COG6: variants seen among roughly 807,000 people sequenced by gnomAD.
The protein encoded by COG6 is conserved oligomeric Golgi complex subunit 6.
COG6 carries 74 observed loss-of-function variants against 88.8 expected under a neutral mutation model. The observed-to-expected ratio is 0.83, with a 90% CI of 0.69 to 1.01. The LOEUF (loss-of-function observed/expected upper bound fraction) is 1.01, where lower values mean the gene tolerates loss of function less well. Among genes scored for constraint, COG6 ranks in the 50% least tolerant of loss-of-function variants. The pLI is 0.00. For synonymous variants in COG6, 286 were observed against 278.7 expected, an observed-to-expected ratio of 1.03 and a Z score of -0.26; for missense variants, 800 against 797.9, an observed-to-expected ratio of 1.00 and a Z score of -0.03.
intron 11 of COG6, 38 bp downstream of exon 11, chr13:39,689,862 T>G: frequency 8.1e-7 from 1 of 1,241,636 alleles, no homozygotes; most frequent in African/African-American, 1.5e-5. Flanking sequence ...ATATGGTACC[T>G]GCTTAAATTA....
chr13:39,674,013 A>G (rs1444937021), intron 4 of COG6, among the ~76,000 whole-genome samples: 5 of 152,034 alleles, frequency 3.3e-5, no homozygotes, highest in Admixed American at 3.3e-4. Flanking sequence ...AACTTTGCCA[A>G]TGTAGATGAA....
At chr13:39,724,387 A>C in intron 16 of COG6, 121 bp from the exon 17 acceptor site, 1 of 707,812 alleles carries the variant, frequency 1.4e-6, no homozygotes. Context: ...CTTTGGAAAT[A>C]AGCTAAATGA....
intron 18 of COG6, chr13:39,788,244 C>T: frequency 3.9e-6 from 5 of 1,277,702 alleles, no homozygotes; most frequent in South Asian, 3.8e-5. Context: ...TATTTCAGCC[C>T]TCCCTGTGAA....
chr13:39,784,057 G>A (rs1056333241), intron 18 of COG6, among the ~76,000 whole-genome samples: 6 of 152,098 alleles, frequency 3.9e-5, no homozygotes, highest in African/African-American at 9.7e-5. Flanking sequence ...ATGCAGGGCC[G>A]GCTCCATCTG....
chr13:39,773,928 T>TA (rs1175424809), intron 18 of COG6, among the ~76,000 whole-genome samples: 2 of 150,356 alleles, frequency 1.3e-5, no homozygotes, highest in East Asian at 3.9e-4. Context: ...ACCTAGAAAT[T>TA]AATCATACAA....
chr13:39,684,721 G>T (rs1444857722), intron 8 of COG6, among the ~76,000 whole-genome samples: 1 of 152,170 alleles, frequency 6.6e-6, no homozygotes, highest in Non-Finnish European at 1.5e-5. Flanking sequence ...AATGTATCAT[G>T]TTAACCACCA....
chr13:39,698,178 T>A (rs1473034959), intron 12 of COG6, among the ~76,000 whole-genome samples: 1 of 141,014 alleles, frequency 7.1e-6, no homozygotes, highest in African/African-American at 2.5e-5. Context: ...TAACTCCATA[T>A]TAAAAAAAAA....
At chr13:39,717,665 G>C (rs1315584681) in intron 13 of COG6, among the ~76,000 whole-genome samples, 1 of 152,026 alleles carries the variant, frequency 6.6e-6, no homozygotes, top group Non-Finnish European at 1.5e-5. Flanking sequence ...CCAGGAGTTT[G>C]AGACCAGCCT....
Position 39,687,574 on chromosome 13 carries a change from GA to G in COG6, c.861del (p.Gly289AlafsTer17), listed in dbSNP as rs866172272. ...VVRGFIDALT[R>X]GGPGGTPRPI... ...CGTGGATTTATTGATGCGCTCACAA[GA>G]GGGGGCCCCGGAGGTACACCTAGAC... On this transcript the variant is annotated frameshift_variant, in exon 9 of 19. Transcript: ENST00000455146. LOFTEE classifies it high-confidence loss of function. 1.2e-6 allele frequency: 2 copies of G among 1,613,656 alleles called. No individual in the cohort carries two copies. The highest frequency in any genetic ancestry group is 2.7e-5 in the African/African-American group (2 of 74,808).
intron 15 of COG6, among the ~76,000 whole-genome samples, chr13:39,720,126 C>G (rs1260251007): frequency 6.6e-6 from 1 of 151,956 alleles, no homozygotes; most frequent in Non-Finnish European, 1.5e-5. Flanking sequence ...TTGAAGCTTT[C>G]TGATTAATTT....
At chr13:39,786,523 G>T (rs1362189080) in intron 18 of COG6, among the ~76,000 whole-genome samples, 2 of 152,178 alleles carry the variant, frequency 1.3e-5, no homozygotes, top group Non-Finnish European at 2.9e-5. Context: ...TCAAGAAAAT[G>T]ACAACCCCAG....
At chr13:39,730,721 C>T (rs2138099821) in intron 18 of COG6, among the ~76,000 whole-genome samples, 1 of 134,184 alleles carries the variant, frequency 7.5e-6, no homozygotes, top group East Asian at 2.3e-4. Flanking sequence ...TTGCAGTGAG[C>T]CGCAGTCGCA....
At chr13:39,747,571 G>A (rs1000726075) in intron 18 of COG6, among the ~76,000 whole-genome samples, 4 of 151,884 alleles carry the variant, frequency 2.6e-5, no homozygotes, top group African/African-American at 9.7e-5. Flanking sequence ...AAGCTGAGGC[G>A]GAGATTGAAG....
In COG6 at chr13:39,696,567, C is replaced by T. The variant is rs558769793; in HGVS notation, c.1166+1842C>T. 3.3e-5 allele frequency among the ~76,000 whole-genome samples: 5 copies of T among 151,692 alleles called. No homozygotes were observed. The South Asian group carries it at 1.0e-3, about 32-fold the overall frequency. Reference sequence around the variant, plus strand: ...TGGTGCTGAAGCTAGGAAAAGCTTGCATTTTGGAGGACTAGAAAGAAAACC... The same window carrying T: ...TGGTGCTGAAGCTAGGAAAAGCTTGTATTTTGGAGGACTAGAAAGAAAACC... On this transcript the variant is annotated intron_variant, in intron 12 of 18. Transcript: ENST00000455146.
intron 11 of COG6, among the ~76,000 whole-genome samples, chr13:39,691,617 C>T (rs187504713): frequency 3.3e-5 from 5 of 151,966 alleles, no homozygotes; most frequent in Admixed American, 3.3e-4. Flanking sequence ...ATATGTAATC[C>T]AGCAACTCTC....
At chr13:39,756,753 CG>C (rs958606626), downstream of COG6, among the ~76,000 whole-genome samples, 5 of 150,764 alleles carry the variant, frequency 3.3e-5, no homozygotes, top group South Asian at 4.2e-4. Flanking sequence ...GGGCGGGGGG[CG>C]GCAGTGGCGG....
intron 10 of COG6, among the ~76,000 whole-genome samples, chr13:39,688,749 G>A (rs1876813015): frequency 6.6e-6 from 1 of 152,182 alleles, no homozygotes; most frequent in South Asian, 2.1e-4. Flanking sequence ...GTTGAGAGTT[G>A]CTGATGTCTT....
At chr13:39,695,680 A>G (rs1171914650) in intron 12 of COG6, among the ~76,000 whole-genome samples, 1 of 151,858 alleles carries the variant, frequency 6.6e-6, no homozygotes, top group Non-Finnish European at 1.5e-5. Context: ...CTTAACAGCT[A>G]GGGAATGGAT....
chr13:39,719,789 G>T lies in COG6; in HGVS notation c.1546G>T (p.Glu516Ter). Residue 516 changes from glutamate to a stop codon, truncating the protein, a stop_gained, in exon 15 of 19, where the codon GAA becomes TAA. Transcript: ENST00000455146. LOFTEE classifies it high-confidence loss of function. ...GATGAAGACAACATTAGCTCTATTTGAATTCACTGACAGACGTCTGGAAAT... is the reference window on the plus strand; with the variant it reads ...GATGAAGACAACATTAGCTCTATTTTAATTCACTGACAGACGTCTGGAAAT... Reference protein sequence around the residue: ...YMMKTTLALFEFTDRRLEMLQ... With the variant: ...YMMKTTLALF 1 of 1,612,540 alleles carries T rather than the reference G, an allele frequency of 6.2e-7. No homozygotes were observed. Among genetic ancestry groups the T allele is most frequent in the South Asian group, 1.1e-5 (1 of 91,022 alleles).
Sources: allele counts gnomAD v4.1 joint callset (sites outside exome capture counted in the v4.1 genomes callset), GRCh38; gene constraint gnomAD v4.1.1; transcripts MANE v1.5; gene names NCBI Gene and HGNC (gene_info 2026-07-23, HGNC 2026-07-21).